SLC39A11: variants seen among roughly 807,000 people sequenced by gnomAD.
SLC39A11 encodes solute carrier family 39 member 11, also known as zinc transporter ZIP11.
Under a neutral mutation model 36.1 loss-of-function variants are expected in SLC39A11, and 33 were observed. The observed-to-expected ratio is 0.91, with a 90% CI of 0.69 to 1.22. The LOEUF (loss-of-function observed/expected upper bound fraction) is 1.22. SLC39A11 is among the 50% of genes most tolerant of loss of function. SLC39A11 has a pLI of 0.00. For synonymous variants in SLC39A11, 166 were observed against 170.3 expected, an observed-to-expected ratio of 0.97 and a Z score of 0.20; for missense variants, 432 against 430.3, an observed-to-expected ratio of 1.00 and a Z score of -0.03.
chr17:72,797,933 C>A (rs1426824879), intron 6 of SLC39A11, among the ~76,000 whole-genome samples: 1 of 152,114 alleles, frequency 6.6e-6, no homozygotes, highest in Non-Finnish European at 1.5e-5. Flanking sequence ...TCCTATCACC[C>A]AGGGAGGCTA....
intron 3 of SLC39A11, among the ~76,000 whole-genome samples, 188 bp from the exon 4 acceptor site, chr17:73,031,902 G>T (rs1170076227): frequency 6.6e-6 from 1 of 152,140 alleles, no homozygotes; most frequent in Non-Finnish European, 1.5e-5. Context: ...GCTTACTATT[G>T]CAAGAACTCA....
chr17:73,085,637 C>T (rs765944248), intron 2 of SLC39A11, among the ~76,000 whole-genome samples: 4 of 127,836 alleles, frequency 3.1e-5, no homozygotes, highest in Non-Finnish European at 4.9e-5. Flanking sequence ...AGCAAAACTC[C>T]GCCTCAAAAA....
chr17:72,754,838 G>C (rs1226800711), intron 6 of SLC39A11, among the ~76,000 whole-genome samples: 1 of 152,220 alleles, frequency 6.6e-6, no homozygotes, highest in African/African-American at 2.4e-5. Flanking sequence ...TGAGCAAAAG[G>C]GAGTGTGCAC....
At chr17:72,665,383 TGAGG>T in intron 7 of SLC39A11, among the ~76,000 whole-genome samples, 1 of 131,192 alleles carries the variant, frequency 7.6e-6, no homozygotes, top group African/African-American at 3.1e-5. Context: ...CACCAAGTTT[TGAGG>T]TGTTTTTTTT....
At chr17:73,040,454 CAGA>C (rs1305697420) in intron 3 of SLC39A11, among the ~76,000 whole-genome samples, 2 of 152,180 alleles carry the variant, frequency 1.3e-5, no homozygotes, top group African/African-American at 4.8e-5. Flanking sequence ...TATCTGAGAA[CAGA>C]AGAAGGACAT....
rs191363458 is a variant in SLC39A11, at chr17:72,877,458, C to T, written c.431-27654G>A. On this transcript the variant is annotated intron_variant, in intron 5 of 9. Transcript: ENST00000255559. ...AATTTTTTCATTCTGGCCAGTGCCA[C>T]GTTAAAATGGGCAAAAAGCGGGGAA... is the stretch of plus-strand genomic sequence containing the variant. 5.9e-5 allele frequency among the ~76,000 whole-genome samples: 9 copies of T among 152,276 alleles called. No homozygotes were observed. The East Asian group carries it at 7.7e-4, about 13-fold the overall frequency.
intron 4 of SLC39A11, among the ~76,000 whole-genome samples, chr17:72,996,735 A>G (rs1271192495): frequency 1.3e-5 from 2 of 152,156 alleles, no homozygotes; most frequent in African/African-American, 4.8e-5. Flanking sequence ...TTTTCCAAGT[A>G]AAGTCATGTT....
rs575247072 is a variant in SLC39A11, at chr17:73,028,905, G to A, written c.306+2651C>T. On this transcript the variant is annotated intron_variant, in intron 4 of 9. Coordinates refer to ENST00000255559, the MANE Select transcript of SLC39A11 (RefSeq NM_139177.4). ...GGCTAAGGTGGGAGGATCACTTGAGGTCAGGAGTTCAAGACCAGCCTGGCC... is the reference window on the plus strand; with the variant it reads ...GGCTAAGGTGGGAGGATCACTTGAGATCAGGAGTTCAAGACCAGCCTGGCC... 5.3e-5 allele frequency among the ~76,000 whole-genome samples: 8 copies of A among 151,652 alleles called. No homozygotes were observed. The East Asian group carries it at 7.8e-4, about 15-fold the overall frequency.
At chr17:72,846,156 A>C (rs1168146453) in intron 6 of SLC39A11, among the ~76,000 whole-genome samples, 1 of 150,660 alleles carries the variant, frequency 6.6e-6, no homozygotes, top group Non-Finnish European at 1.5e-5. Context: ...CAGCCTCCCA[A>C]GTAGCTGGGA....
chr17:72,881,728 C>T (rs2081203207), intron 5 of SLC39A11, among the ~76,000 whole-genome samples: 1 of 152,152 alleles, frequency 6.6e-6, no homozygotes, highest in Non-Finnish European at 1.5e-5. Context: ...GACAAGAAGA[C>T]ACCTTTAAAT....
intron 5 of SLC39A11, among the ~76,000 whole-genome samples, chr17:72,902,359 C>T (rs181793714): frequency 9.2e-5 from 14 of 151,388 alleles, no homozygotes; most frequent in Non-Finnish European, 1.5e-4. Context: ...TGGAGTGATG[C>T]GGCTACAAGC....
intron 5 of SLC39A11, among the ~76,000 whole-genome samples, chr17:72,896,686 C>A (rs1048717453): frequency 2.0e-5 from 3 of 151,994 alleles, no homozygotes; most frequent in Non-Finnish European, 4.4e-5. Flanking sequence ...AAGAGAAACA[C>A]AGATGAGAAA....
intron 7 of SLC39A11, among the ~76,000 whole-genome samples, chr17:72,728,386 G>A (rs1017537616): frequency 3.3e-5 from 5 of 152,088 alleles, no homozygotes; most frequent in Non-Finnish European, 7.4e-5. Flanking sequence ...AGGGTGCAGT[G>A]AGCCATGATT....
chr17:72,887,844 A>G (rs1343350556), intron 5 of SLC39A11, among the ~76,000 whole-genome samples: 2 of 152,180 alleles, frequency 1.3e-5, no homozygotes, highest in Non-Finnish European at 2.9e-5. Context: ...CTCTGCTTCT[A>G]TTTGTTCTCT....
chr17:72,809,480 C>G (rs1030150755), intron 6 of SLC39A11, among the ~76,000 whole-genome samples: 1 of 152,146 alleles, frequency 6.6e-6, no homozygotes, highest in East Asian at 1.9e-4. Context: ...TTATGCAGGA[C>G]ATTTCAGCTT....
intron 5 of SLC39A11, among the ~76,000 whole-genome samples, chr17:72,917,592 G>A (rs1443532454): frequency 1.3e-5 from 2 of 152,194 alleles, no homozygotes; most frequent in African/African-American, 4.8e-5. Flanking sequence ...ATGGACAAGA[G>A]GAGGGAGGAG....
Position 72,957,693 on chromosome 17 carries a change from C to T in SLC39A11, c.307-9818G>A, listed in dbSNP as rs2086334833. 3.3e-5 allele frequency among the ~76,000 whole-genome samples: 5 copies of T among 152,160 alleles called. No individual in the cohort carries two copies. The South Asian group carries it at 1.0e-3, about 32-fold the overall frequency. ...AATCAGCCAGGCGTGGTAGTGCACA[C>T]TTGTAGTCCCAGCTACTGGGGAGGC... On this transcript the variant is annotated intron_variant, in intron 4 of 9. Coordinates refer to ENST00000255559, the MANE Select transcript of SLC39A11 (RefSeq NM_139177.4).
chr17:73,009,604 T>TG (rs2090399491), intron 4 of SLC39A11, among the ~76,000 whole-genome samples: 1 of 151,950 alleles, frequency 6.6e-6, no homozygotes, highest in Non-Finnish European at 1.5e-5. Flanking sequence ...TGGGGTTTCC[T>TG]TGGGGGGGTG....
intron 3 of SLC39A11, among the ~76,000 whole-genome samples, chr17:73,053,824 G>A (rs1391046527): frequency 6.6e-6 from 1 of 152,214 alleles, no homozygotes; most frequent in East Asian, 1.9e-4. Context: ...TGCATCCTGA[G>A]ATGTTCATCA....
Sources: gnomAD v4.1 joint callset for allele counts (sites outside exome capture counted in the v4.1 genomes callset) on GRCh38, gnomAD v4.1.1 for gene constraint, MANE v1.5 for transcripts, NCBI Gene and HGNC (gene_info 2026-07-23, HGNC 2026-07-21) for gene names.